The following NECAB2 variants were observed in gnomAD, a reference collection of about 807,000 sequenced individuals.
NECAB2 encodes the protein N-terminal EF-hand calcium-binding protein 2.
NECAB2 carries 68 observed loss-of-function variants against 51.9 expected under a neutral mutation model. That is an observed-to-expected ratio of 1.31 (90% CI 1.08 to 1.60). The LOEUF (loss-of-function observed/expected upper bound fraction) is 1.60. Among genes scored for constraint, NECAB2 ranks in the 40% most tolerant of loss-of-function variants. The probability of loss-of-function intolerance (pLI) is 0.00; values close to 1 mark genes in which losing one functional copy is unlikely to be tolerated. For missense variants in NECAB2, 854 were observed against 490.3 expected (o/e 1.74, Z -7.00); for synonymous variants, 329 against 203.5 (o/e 1.62, Z -5.25).
At chr16:83,998,729 CTCAGTTAA>C (rs2084758747) in intron 10 of NECAB2, among the ~76,000 whole-genome samples, 2 of 152,312 alleles carry the variant, frequency 1.3e-5, no homozygotes, top group Non-Finnish European at 2.9e-5. Flanking sequence ...GTAGTATTTG[CTCAGTTAA>C]CCACTGAGGA....
chr16:83,987,131 A>G (rs2084566598), intron 5 of NECAB2, among the ~76,000 whole-genome samples: 1 of 152,244 alleles, frequency 6.6e-6, no homozygotes, highest in Non-Finnish European at 1.5e-5. Flanking sequence ...GGAAAACAAA[A>G]CAAAGTAGCT....
chr16:83,999,918 T>C (rs2084791364), intron 10 of NECAB2, among the ~76,000 whole-genome samples: 1 of 143,786 alleles, frequency 7.0e-6, no homozygotes, highest in African/African-American at 3.0e-5. Context: ...TCTTGCTTTA[T>C]TGTCCAGGCA....
At chr16:83,998,390 A>C (rs927277559) in intron 10 of NECAB2, 73 bp downstream of exon 10, 103 of 1,431,184 alleles carry the variant, frequency 7.2e-5, no homozygotes, top group Non-Finnish European at 9.3e-5. Context: ...ACAGGGCAGG[A>C]CTAGGCTTTG....
Position 84,000,783 on chromosome 16 carries a change from C to G in NECAB2, c.1022C>G (p.Thr341Arg). The G allele has an allele frequency of 1.2e-6, 2 of 1,613,630 alleles. No homozygotes were observed. The highest frequency in any genetic ancestry group is 8.5e-7 in the Non-Finnish European group (1 of 1,179,948). The change falls in exon 11 of 13, where the codon ACA becomes AGA. Residue 341 changes from threonine (T) to arginine (R), a missense_variant. By Grantham distance (71) the Thr-to-Arg change is moderately conservative (BLOSUM62 -1). Transcript: ENST00000305202. ...FTFVIYEFWE[T>R]EEAWKRHLQS... The stretch of plus-strand genomic sequence containing the variant: ...TTTGTCATCTATGAGTTCTGGGAGA[C>G]AGAGGAGGCGTGGAAGAGGTGAGAT...
chr16:83,989,507 C>G (rs1567672304), intron 5 of NECAB2, among the ~76,000 whole-genome samples: 1 of 152,136 alleles, frequency 6.6e-6, no homozygotes, highest in Non-Finnish European at 1.5e-5. Flanking sequence ...CCTGTTTTTC[C>G]TTGCCTTGCC....
At chr16:83,969,776 G>A (rs1162544391) in intron 1 of NECAB2, among the ~76,000 whole-genome samples, 5 of 152,214 alleles carry the variant, frequency 3.3e-5, no homozygotes, top group Non-Finnish European at 7.3e-5. Flanking sequence ...CTGGGGTGGG[G>A]CTGGGGGCTG....
At chr16:83,974,470 G>T (rs189960534) in intron 2 of NECAB2, among the ~76,000 whole-genome samples, 3 of 152,186 alleles carry the variant, frequency 2.0e-5, no homozygotes, top group African/African-American at 7.2e-5. Context: ...GTCCAGAGGG[G>T]TTTGATTCCT....
intron 8 of NECAB2, among the ~76,000 whole-genome samples, chr16:83,996,334 C>T (rs1034870841): frequency 6.6e-6 from 1 of 152,222 alleles, no homozygotes. Context: ...AGGCAGTACC[C>T]TTGCCAGGAT....
In NECAB2 at chr16:83,972,167, A is replaced by G; in HGVS notation, c.218A>G (p.Asp73Gly). ...AVILDIFRRA[D>G]KNDDGKLSLE... is the part of the protein sequence containing the mutation. Reference sequence around the variant, plus strand: ...TTTCTGCAGATTTTCCGCCGTGCGGACAAAAATGGTGAGTTTCCCTTCCAG... The same window carrying G: ...TTTCTGCAGATTTTCCGCCGTGCGGGCAAAAATGGTGAGTTTCCCTTCCAG... Residue 73 changes from aspartate (D) to glycine (G), a missense_variant, in exon 2 of 13, where the codon GAC (aspartate) becomes GGC (glycine). Coordinates refer to ENST00000305202, the MANE Select transcript of NECAB2 (RefSeq NM_019065.3). The G allele has an allele frequency of 1.2e-6, 2 of 1,613,470 alleles. No individual in the cohort carries two copies. Among genetic ancestry groups the G allele is most frequent in the Non-Finnish European group, 1.7e-6 (2 of 1,180,028 alleles).
chr16:83,966,482 A>C, upstream of NECAB2: 1 of 167,896 alleles, frequency 6.0e-6, no homozygotes, highest in Non-Finnish European at 1.3e-5. Context: ...TTGGGGTACA[A>C]AGGATGGTGC....
chr16:83,986,321 G>C (rs530898684), intron 5 of NECAB2, among the ~76,000 whole-genome samples: 4 of 152,106 alleles, frequency 2.6e-5, no homozygotes, highest in African/African-American at 9.7e-5. Context: ...CCAGCCCAAA[G>C]ATTTTCTCTA....
chr16:83,983,480 C>T (rs2084514359), intron 5 of NECAB2, among the ~76,000 whole-genome samples: 1 of 152,144 alleles, frequency 6.6e-6, no homozygotes, highest in South Asian at 2.1e-4. Flanking sequence ...TTTTAGAATC[C>T]TTGTCAGCAT....
intron 5 of NECAB2, among the ~76,000 whole-genome samples, chr16:83,988,560 GTTTAA>G (rs990323754): frequency 1.3e-4 from 20 of 152,278 alleles, no homozygotes; most frequent in African/African-American, 4.3e-4. Context: ...TAACCTGAAT[GTTTAA>G]TTTGAGTGAT....
chr16:83,996,455 A>G (rs537473291), intron 8 of NECAB2, among the ~76,000 whole-genome samples: 11 of 152,228 alleles, frequency 7.2e-5, no homozygotes, highest in Non-Finnish European at 1.5e-5. Context: ...TGTTTTCCTT[A>G]TTAGCTGGCG....
rs1406133769 is a variant in NECAB2, at chr16:83,968,725, C to T, written c.77C>T (p.Ala26Val). 2 of 1,029,016 alleles carry T rather than the reference C, an allele frequency of 1.9e-6. No individual in the cohort carries two copies. Among genetic ancestry groups the T allele is most frequent in the East Asian group, 1.8e-4 (2 of 11,214 alleles). The allele number at this position is 1,029,016 out of a possible 1,614,324, so 63.7% of individuals were successfully genotyped here. The change falls in exon 1 of 13, where the codon GCG becomes GTG. Residue 26 changes from alanine (A) to valine (V), a missense_variant. Ala to Val is a moderately conservative substitution (Grantham distance 64, BLOSUM62 0). Transcript: ENST00000305202. ...CGGGAGCCGCCGCAGCAGGGCCGGG[C>T]GCTGGGCGGGCTGCTGCGCTGGGTG... The part of the protein sequence containing the change: ...LLREPPQQGR[A>V]LGGLLRWVGA...
chr16:83,977,604 C>T (rs28379208), intron 2 of NECAB2, among the ~76,000 whole-genome samples: 3,209 of 152,152 alleles, frequency 0.021, 44 homozygotes, highest in African/African-American at 0.036. Context: ...GCTGTGGAGG[C>T]CCCTCTGTGG....
At chr16:83,979,900 A>G (rs1281543935) in intron 3 of NECAB2, among the ~76,000 whole-genome samples, 2 of 152,216 alleles carry the variant, frequency 1.3e-5, no homozygotes. Flanking sequence ...AAAACAGTGT[A>G]CAAACCATCA....
intron 5 of NECAB2, among the ~76,000 whole-genome samples, chr16:83,986,194 T>C (rs1037019554): frequency 5.3e-5 from 8 of 152,180 alleles, no homozygotes; most frequent in Non-Finnish European, 8.8e-5. Flanking sequence ...TTTTTGTGTT[T>C]CTAGTAGAGA....
upstream of NECAB2, chr16:83,965,418 C>A: frequency 6.3e-7 from 1 of 1,580,486 alleles, no homozygotes; most frequent in Non-Finnish European, 8.6e-7. Context: ...GGTGCGGTGA[C>A]CCCGGCCTCA....
Sources: allele counts gnomAD v4.1 joint callset (sites outside exome capture counted in the v4.1 genomes callset), GRCh38; gene constraint gnomAD v4.1.1; transcripts MANE v1.5; gene names NCBI Gene and HGNC (gene_info 2026-07-23, HGNC 2026-07-21).